Variants in EMCN observed in about 807,000 individuals in gnomAD.
EMCN encodes the protein endomucin.
Under a neutral mutation model 38.4 loss-of-function variants are expected in EMCN, and 37 were observed. The ratio of observed to expected loss-of-function variants is 0.96; its 90% confidence interval spans 0.74 to 1.27. The LOEUF (loss-of-function observed/expected upper bound fraction) is 1.27, where lower values mean the gene tolerates loss of function less well. Ranked by LOEUF, EMCN falls within the 50% of genes most tolerant of loss-of-function variation. EMCN has a pLI of 0.00. For synonymous variants in EMCN, 95 were observed against 100.8 expected (o/e 0.94, Z 0.35); for missense variants, 318 against 302.8 (o/e 1.05, Z -0.37).
At chr4:100,423,780 T>C (rs1042500040) in intron 5 of EMCN, among the ~76,000 whole-genome samples, 1 of 152,162 alleles carries the variant, frequency 6.6e-6, no homozygotes, top group Non-Finnish European at 1.5e-5. Flanking sequence ...GTTTTTTTTC[T>C]ATCACACATA....
chr4:100,499,919 T>C (rs1729303845), intron 1 of EMCN, among the ~76,000 whole-genome samples: 1 of 152,106 alleles, frequency 6.6e-6, no homozygotes, highest in Admixed American at 6.6e-5. Context: ...TAGGTAAGGT[T>C]TAATGAGAAA....
intron 3 of EMCN, chr4:100,474,102 C>T (rs1728570205): frequency 6.6e-6 from 1 of 152,140 alleles, no homozygotes; most frequent in African/African-American, 2.4e-5. Flanking sequence ...AAAATATTTG[C>T]AAATTATCTA....
At chr4:100,465,855 C>T (rs907851324) in intron 3 of EMCN, among the ~76,000 whole-genome samples, 11 of 152,046 alleles carry the variant, frequency 7.2e-5, no homozygotes, top group East Asian at 5.8e-4. Flanking sequence ...AATTTCCCCA[C>T]GGTCACATAA....
intron 11 of EMCN, 75 bp downstream of exon 11, chr4:100,410,204 TAAA>T (rs1726512708): frequency 9.8e-7 from 1 of 1,020,908 alleles, no homozygotes; most frequent in Non-Finnish European, 1.5e-6. Context: ...TGAAATTCTT[TAAA>T]AACAATCTAA....
At position 100,476,506 on chromosome 4, in the gene EMCN, A is replaced by T. The variant is rs367841911; in HGVS notation, c.188-1397T>A. 1.4e-4 allele frequency among the ~76,000 whole-genome samples: 21 copies of T among 152,206 alleles called. No homozygotes were observed. In the East Asian group the frequency reaches 2.9e-3, roughly 21 times the overall value. On this transcript the variant is annotated intron_variant, in intron 2 of 11. Transcript: ENST00000296420. ...TTATTTGCAGGTTTGTTGCATGGGC[A>T]TATTGTGTGATTAGGGCAAAAAGCT...
At chr4:100,481,845 CCTTCCTTCCTTCCTTT>C (rs559138178) in intron 1 of EMCN, among the ~76,000 whole-genome samples, 143 of 150,898 alleles carry the variant, frequency 9.5e-4, no homozygotes, top group African/African-American at 3.4e-3. Flanking sequence ...GAGATGTTTT[CCTTCCTTCCTTCCTTT>C]CTTCCTTCCT....
At chr4:100,473,386 G>T (rs357668) in intron 3 of EMCN, among the ~76,000 whole-genome samples, 57,818 of 79,768 alleles carry the variant, frequency 0.72, 20,857 homozygotes, top group South Asian at 0.89. Context: ...TTTTTTTTTT[G>T]TTTTTTTTTT....
At chr4:100,501,911 G>T (rs1379538393) in intron 1 of EMCN, among the ~76,000 whole-genome samples, 1 of 150,394 alleles carries the variant, frequency 6.6e-6, no homozygotes, top group Admixed American at 6.6e-5. Context: ...ATGTTTACAT[G>T]GTGTCATTTG....
At chr4:100,512,391 A>T (rs907904322) in intron 1 of EMCN, among the ~76,000 whole-genome samples, 12 of 152,178 alleles carry the variant, frequency 7.9e-5, no homozygotes, top group African/African-American at 2.9e-4. Flanking sequence ...CTTGTTTGCT[A>T]ACTGAGAGAG....
At chr4:100,441,833 A>G (rs1475846176) in intron 5 of EMCN, among the ~76,000 whole-genome samples, 1 of 152,146 alleles carries the variant, frequency 6.6e-6, no homozygotes, top group East Asian at 1.9e-4. Flanking sequence ...TTAATATTGT[A>G]TATTTATTAA....
At chr4:100,510,445 A>G (rs1052995897) in intron 1 of EMCN, among the ~76,000 whole-genome samples, 1 of 152,314 alleles carries the variant, frequency 6.6e-6, no homozygotes, top group South Asian at 2.1e-4. Context: ...GAGAATTAAC[A>G]TTGTAATTGT....
chr4:100,514,828 CA>C (rs1208424708), intron 1 of EMCN, among the ~76,000 whole-genome samples: 1 of 151,984 alleles, frequency 6.6e-6, no homozygotes, highest in Non-Finnish European at 1.5e-5. Flanking sequence ...TCCTTACATC[CA>C]AAACCAGGCT....
intron 2 of EMCN, 67 bp downstream of exon 2, chr4:100,479,850 G>T: frequency 2.3e-6 from 3 of 1,287,164 alleles, no homozygotes; most frequent in Admixed American, 2.4e-5. Flanking sequence ...TTTTCATACT[G>T]ATGTATATAC....
At chr4:100,403,034 G>A (rs1726299161) in intron 11 of EMCN, among the ~76,000 whole-genome samples, 1 of 152,114 alleles carries the variant, frequency 6.6e-6, no homozygotes, top group Non-Finnish European at 1.5e-5. Context: ...ACCTGAAAGT[G>A]TCCATTGCAT....
At chr4:100,442,717 G>C (rs746863405) in intron 5 of EMCN, among the ~76,000 whole-genome samples, 66 of 151,076 alleles carry the variant, frequency 4.4e-4, no homozygotes, top group Non-Finnish European at 8.3e-4. Context: ...ATTTCTGTTT[G>C]GTTCTTTTTA....
chr4:100,500,606 T>C (rs1729326828), intron 1 of EMCN, among the ~76,000 whole-genome samples: 1 of 152,130 alleles, frequency 6.6e-6, no homozygotes, highest in Non-Finnish European at 1.5e-5. Flanking sequence ...TACATGTGAA[T>C]ATAATATAGT....
intron 1 of EMCN, among the ~76,000 whole-genome samples, chr4:100,495,391 A>G (rs898523970): frequency 6.6e-6 from 1 of 152,100 alleles, no homozygotes; most frequent in Non-Finnish European, 1.5e-5. Flanking sequence ...AATCAGAACA[A>G]ATAAAATCTG....
chr4:100,448,091 C>T (rs1727729443), intron 4 of EMCN, among the ~76,000 whole-genome samples: 1 of 151,856 alleles, frequency 6.6e-6, no homozygotes, highest in South Asian at 2.1e-4. Context: ...AGACTTGGTG[C>T]ATCTCATGAT....
At chr4:100,508,425 A>C (rs1023301199) in intron 1 of EMCN, among the ~76,000 whole-genome samples, 1 of 152,162 alleles carries the variant, frequency 6.6e-6, no homozygotes, top group Non-Finnish European at 1.5e-5. Context: ...AATGAATAGC[A>C]TATGTATTAT....
Sources: allele counts gnomAD v4.1 joint callset (sites outside exome capture counted in the v4.1 genomes callset), GRCh38; gene constraint gnomAD v4.1.1; transcripts MANE v1.5; gene names NCBI Gene and HGNC (gene_info 2026-07-23, HGNC 2026-07-21).